The following PDE4D variants were observed in gnomAD, a reference collection of about 807,000 sequenced individuals.
The protein encoded by PDE4D is 3',5'-cyclic-AMP phosphodiesterase 4D.
Under a neutral mutation model 87.4 loss-of-function variants are expected in PDE4D, and 24 were observed. The ratio of observed to expected loss-of-function variants is 0.27; its 90% CI spans 0.20 to 0.39. The LOEUF (loss-of-function observed/expected upper bound fraction) is 0.39. Ranked by LOEUF, PDE4D falls within the 10% of genes least tolerant of loss-of-function variation. The pLI, the probability that PDE4D is intolerant of heterozygous loss-of-function variation, is 1.00. For missense variants in PDE4D, 714 were observed against 1,041.0 expected (o/e 0.69, Z 4.32); for synonymous variants, 384 against 383.2 (o/e 1.00, Z -0.02).
intron 1 of PDE4D, among the ~76,000 whole-genome samples, chr5:60,305,159 C>T (rs1465960596): frequency 6.6e-6 from 1 of 151,752 alleles, no homozygotes; most frequent in Non-Finnish European, 1.5e-5. Flanking sequence ...AAGAAAAACT[C>T]AGAAGACTAC....
At chr5:59,098,265 A>G (rs1334928543) in intron 5 of PDE4D, among the ~76,000 whole-genome samples, 3 of 152,218 alleles carry the variant, frequency 2.0e-5, no homozygotes, top group African/African-American at 4.8e-5. Flanking sequence ...TTGGTAAGCT[A>G]TTGTCTCCAA....
intron 1 of PDE4D, among the ~76,000 whole-genome samples, chr5:59,613,974 C>A (rs1829331734): frequency 1.3e-5 from 2 of 151,894 alleles, no homozygotes; most frequent in Non-Finnish European, 2.9e-5. Flanking sequence ...TTAAAAAAAA[C>A]TTTTTTCTTA....
chr5:59,332,052 G>A (rs765192040), intron 1 of PDE4D, among the ~76,000 whole-genome samples: 1 of 152,136 alleles, frequency 6.6e-6, no homozygotes, highest in Admixed American at 6.5e-5. Flanking sequence ...TGAATAGAGA[G>A]CTCCTTAGAG....
chr5:59,667,113 A>G (rs749085826), intron 1 of PDE4D, among the ~76,000 whole-genome samples: 11 of 152,206 alleles, frequency 7.2e-5, no homozygotes, highest in Non-Finnish European at 1.0e-4. Context: ...ACATTTCAAT[A>G]TTATTAATGT....
At chr5:59,849,813 T>C (rs1283524274) in intron 1 of PDE4D, among the ~76,000 whole-genome samples, 1 of 152,040 alleles carries the variant, frequency 6.6e-6, no homozygotes, top group African/African-American at 2.4e-5. Flanking sequence ...TAGTTTGAAG[T>C]TGGATGACAT....
At chr5:60,384,484 G>A (rs1762069206) in intron 1 of PDE4D, among the ~76,000 whole-genome samples, 3 of 152,128 alleles carry the variant, frequency 2.0e-5, no homozygotes, top group Non-Finnish European at 4.4e-5. Flanking sequence ...TCCAATGGGA[G>A]CCTGAAGTCT....
intron 3 of PDE4D, among the ~76,000 whole-genome samples, chr5:59,981,433 A>C (rs1420695826): frequency 1.3e-5 from 2 of 152,226 alleles, no homozygotes; most frequent in Non-Finnish European, 2.9e-5. Context: ...AATCAAAACC[A>C]AAAGAATCCA....
intron 5 of PDE4D, among the ~76,000 whole-genome samples, chr5:59,123,918 T>A (rs1774982400): frequency 6.6e-6 from 1 of 151,998 alleles, no homozygotes; most frequent in Non-Finnish European, 1.5e-5. Flanking sequence ...GAGCACCAGC[T>A]TTCTCATCTG....
At chr5:60,456,204 C>T (rs1263773615) in intron 1 of PDE4D, among the ~76,000 whole-genome samples, 5 of 152,044 alleles carry the variant, frequency 3.3e-5, no homozygotes, top group Middle Eastern at 3.2e-3. Flanking sequence ...TTGTGGGGTA[C>T]CAAGTGGTTT....
intron 1 of PDE4D, among the ~76,000 whole-genome samples, chr5:59,376,380 C>A (rs896102732): frequency 6.6e-6 from 1 of 152,036 alleles, no homozygotes; most frequent in Non-Finnish European, 1.5e-5. Flanking sequence ...AGCATTCCTA[C>A]ACACCAACAA....
At chr5:59,995,907 T>C (rs1203293244) in intron 2 of PDE4D, among the ~76,000 whole-genome samples, 4 of 152,180 alleles carry the variant, frequency 2.6e-5, no homozygotes, top group Admixed American at 2.0e-4. Flanking sequence ...ATAGACATAC[T>C]CATCTCCATT....
intron 1 of PDE4D, among the ~76,000 whole-genome samples, chr5:59,506,877 T>A (rs550169138): frequency 1.7e-4 from 26 of 152,298 alleles, no homozygotes; most frequent in African/African-American, 6.3e-4. Flanking sequence ...GAAAACTGTC[T>A]GTCAGTCTTC....
intron 1 of PDE4D, among the ~76,000 whole-genome samples, chr5:59,221,610 C>T (rs140659971): frequency 4.6e-5 from 7 of 151,788 alleles, no homozygotes; most frequent in South Asian, 2.1e-4. Context: ...CCAGCTTGGG[C>T]GACAGAGCGA....
At chr5:59,023,412 CTTGAGCCCAGGAGT>C (rs1367648146) in intron 6 of PDE4D, among the ~76,000 whole-genome samples, 1 of 150,460 alleles carries the variant, frequency 6.6e-6, no homozygotes, top group Non-Finnish European at 1.5e-5. Context: ...AGGAGGATCA[CTTGAGCCCAGGAGT>C]TTGAGACCAG....
At chr5:59,853,717 C>A (rs1268617198) in intron 1 of PDE4D, among the ~76,000 whole-genome samples, 1 of 151,910 alleles carries the variant, frequency 6.6e-6, no homozygotes, top group Non-Finnish European at 1.5e-5. Context: ...AAAAACATAA[C>A]CCAGAATTAA....
intron 2 of PDE4D, among the ~76,000 whole-genome samples, chr5:60,033,830 T>C (rs1562002803): frequency 6.6e-6 from 1 of 152,180 alleles, no homozygotes; most frequent in Admixed American, 6.5e-5. Flanking sequence ...CCAGAGAAAT[T>C]TGGCAATAGG....
chr5:59,200,984 AC>A (rs1261461311), intron 2 of PDE4D, among the ~76,000 whole-genome samples: 4 of 152,108 alleles, frequency 2.6e-5, no homozygotes, highest in Non-Finnish European at 5.9e-5. Flanking sequence ...TAAAAATTAT[AC>A]ATGCCTTTAT....
chr5:59,686,665 A>G (rs999435173), intron 1 of PDE4D, among the ~76,000 whole-genome samples: 7 of 152,190 alleles, frequency 4.6e-5, no homozygotes, highest in Admixed American at 3.9e-4. Flanking sequence ...TTTAATAAAT[A>G]TACACAGGTT....
intron 1 of PDE4D, among the ~76,000 whole-genome samples, chr5:59,740,953 G>C (rs1040094292): frequency 1.3e-5 from 2 of 152,086 alleles, no homozygotes; most frequent in East Asian, 3.9e-4. Flanking sequence ...GTCAAAGTCA[G>C]GTATGCAATA....
Sources: gnomAD v4.1 joint callset for allele counts (sites outside exome capture counted in the v4.1 genomes callset) on GRCh38, gnomAD v4.1.1 for gene constraint, MANE v1.5 for transcripts, NCBI Gene and HGNC (gene_info 2026-07-23, HGNC 2026-07-21) for gene names.